WWOX: variants seen among roughly 807,000 people sequenced by gnomAD.
WWOX encodes the protein WW domain containing oxidoreductase, also known as WW domain-containing oxidoreductase.
Under a neutral mutation model 46.2 loss-of-function variants are expected in WWOX, and 69 were observed. That is an observed-to-expected ratio of 1.49 (90% confidence interval 1.23 to 1.82). The LOEUF (loss-of-function observed/expected upper bound fraction) is 1.82. WWOX is among the 40% of genes most tolerant of loss of function. The probability of loss-of-function intolerance (pLI) is 0.00; values close to 1 mark genes in which losing one functional copy is unlikely to be tolerated. For missense variants in WWOX, 919 were observed against 542.6 expected (o/e 1.69, Z -6.89); for synonymous variants, 359 against 202.6 (o/e 1.77, Z -6.56).
intron 8 of WWOX, among the ~76,000 whole-genome samples, chr16:78,621,592 C>CTTTTTTTTTTTTATTT (rs2046185122): frequency 3.2e-5 from 1 of 31,512 alleles, no homozygotes; most frequent in Non-Finnish European, 5.9e-5. Flanking sequence ...TTGTTCTAAT[C>CTTTTTTTTTTTTATTT]TTTTTTTTTT....
chr16:79,173,208 C>T (rs934541449), intron 8 of WWOX, among the ~76,000 whole-genome samples: 5 of 152,186 alleles, frequency 3.3e-5, no homozygotes, highest in African/African-American at 1.2e-4. Flanking sequence ...CCTTTCGGTT[C>T]ACATCACCTG....
At chr16:78,730,454 C>G (rs1464344339) in intron 8 of WWOX, among the ~76,000 whole-genome samples, 1 of 151,670 alleles carries the variant, frequency 6.6e-6, no homozygotes, top group Admixed American at 6.6e-5. Flanking sequence ...AGAAATACAT[C>G]TTTTGTTTGT....
intron 5 of WWOX, among the ~76,000 whole-genome samples, chr16:78,208,439 G>A (rs193079122): frequency 8.5e-5 from 13 of 152,196 alleles, no homozygotes; most frequent in African/African-American, 2.6e-4. Flanking sequence ...TAAGAGTCAC[G>A]ACCCTTAGGA....
intron 8 of WWOX, among the ~76,000 whole-genome samples, chr16:78,758,211 C>A (rs1185307924): frequency 6.6e-6 from 1 of 152,082 alleles, no homozygotes; most frequent in Non-Finnish European, 1.5e-5. Context: ...TGAAGATAAA[C>A]CTATATACAA....
chr16:78,186,030 A>C (rs1309285123), intron 5 of WWOX, among the ~76,000 whole-genome samples: 6 of 152,220 alleles, frequency 3.9e-5, no homozygotes, highest in Non-Finnish European at 8.8e-5. Context: ...TATGGTAGCC[A>C]CTGGCCATGT....
At chr16:78,260,717 T>C (rs528724733) in intron 5 of WWOX, among the ~76,000 whole-genome samples, 3 of 150,496 alleles carry the variant, frequency 2.0e-5, no homozygotes, top group Admixed American at 6.6e-5. Flanking sequence ...GGCAGGTGGA[T>C]CACTTGAGGT....
intron 8 of WWOX, among the ~76,000 whole-genome samples, chr16:78,980,417 C>G (rs1304045337): frequency 2.0e-5 from 3 of 152,214 alleles, no homozygotes; most frequent in Admixed American, 6.5e-5. Flanking sequence ...GTAACCAAGT[C>G]TACACGATAC....
intron 8 of WWOX, among the ~76,000 whole-genome samples, chr16:78,773,380 C>T (rs1197542223): frequency 2.0e-5 from 3 of 152,164 alleles, no homozygotes; most frequent in Non-Finnish European, 4.4e-5. Context: ...AATGGACCAT[C>T]CTCTGGTCCC....
chr16:78,972,869 C>T (rs1316257674), intron 8 of WWOX, among the ~76,000 whole-genome samples: 1 of 152,186 alleles, frequency 6.6e-6, no homozygotes, highest in African/African-American at 2.4e-5. Flanking sequence ...CTTAACACGT[C>T]TCCCCGCCTT....
intron 8 of WWOX, among the ~76,000 whole-genome samples, chr16:79,113,012 A>C (rs1337940497): frequency 1.3e-5 from 2 of 152,156 alleles, no homozygotes; most frequent in African/African-American, 2.4e-5. Context: ...GTTCTTGTTG[A>C]GTGCCAGCCC....
intron 6 of WWOX, among the ~76,000 whole-genome samples, chr16:78,414,585 A>T (rs1026786125): frequency 1.3e-5 from 2 of 152,128 alleles, no homozygotes; most frequent in African/African-American, 4.8e-5. Context: ...AACAAACAAA[A>T]AGCAAAAATC....
At chr16:78,268,444 T>C (rs2079411226) in intron 5 of WWOX, among the ~76,000 whole-genome samples, 1 of 152,194 alleles carries the variant, frequency 6.6e-6, no homozygotes, top group African/African-American at 2.4e-5. Context: ...CTAACCTTTG[T>C]GGATGAAATT....
chr16:78,117,789 T>A (rs945631791), intron 4 of WWOX, among the ~76,000 whole-genome samples: 1 of 152,222 alleles, frequency 6.6e-6, no homozygotes, highest in Non-Finnish European at 1.5e-5. Context: ...AGTCATATTC[T>A]ATCTAAGCTT....
At chr16:78,315,125 G>A (rs895475039) in intron 5 of WWOX, among the ~76,000 whole-genome samples, 1 of 151,916 alleles carries the variant, frequency 6.6e-6, no homozygotes, top group African/African-American at 2.4e-5. Context: ...TTTTTCTTCT[G>A]TCTGCTATAG....
intron 8 of WWOX, among the ~76,000 whole-genome samples, chr16:78,815,755 G>A (rs1806644360): frequency 6.6e-6 from 1 of 152,210 alleles, no homozygotes; most frequent in African/African-American, 2.4e-5. Context: ...ATCTGTCTGA[G>A]GCCAAGGACA....
In WWOX at chr16:78,533,436, AT is replaced by A. The variant is rs559535345; in HGVS notation, c.1056+100685del. On this transcript the variant is annotated intron_variant, in intron 8 of 8. Coordinates refer to ENST00000566780, the MANE Select transcript of WWOX (RefSeq NM_016373.4). ...TAAAAAAAAAAAAAATCCCCAAAAAATCTCATAATGTTTTAAGAAAGTTTAT... is the reference window on the plus strand; with the variant it reads ...TAAAAAAAAAAAAAATCCCCAAAAAACTCATAATGTTTTAAGAAAGTTTAT... 5.1e-3 allele frequency among the ~76,000 whole-genome samples: 767 copies of A among 151,744 alleles called. 10 individuals carry two copies. The highest frequency in any genetic ancestry group is 0.018 in the African/African-American group (746 of 41,372).
chr16:78,156,818 G>C (rs1010990815), intron 4 of WWOX, among the ~76,000 whole-genome samples: 3 of 152,152 alleles, frequency 2.0e-5, no homozygotes, highest in African/African-American at 4.8e-5. Context: ...CAGTTGCTGG[G>C]GAGACTGAGA....
chr16:79,088,304 T>A (rs954560326), intron 8 of WWOX, among the ~76,000 whole-genome samples: 9 of 152,102 alleles, frequency 5.9e-5, no homozygotes, highest in African/African-American at 2.2e-4. Flanking sequence ...TTGCAGCCCG[T>A]TGGTTGTTTT....
intron 6 of WWOX, among the ~76,000 whole-genome samples, chr16:78,393,188 A>G (rs2082213019): frequency 6.6e-6 from 1 of 152,100 alleles, no homozygotes. Flanking sequence ...CTCAGACCAA[A>G]TATTGGGGTT....
Sources: allele counts gnomAD v4.1 joint callset (sites outside exome capture counted in the v4.1 genomes callset), GRCh38; gene constraint gnomAD v4.1.1; transcripts MANE v1.5; gene names NCBI Gene and HGNC (gene_info 2026-07-23, HGNC 2026-07-21).